Variants in PRELID2 observed in about 807,000 individuals in gnomAD.
The protein encoded by PRELID2 is PRELI domain-containing protein 2.
A neutral mutation model predicts 28.4 loss-of-function variants in PRELID2; 25 were observed. The observed-to-expected ratio is 0.88, with a 90% confidence interval of 0.64 to 1.23. The LOEUF is 1.23. Ranked by LOEUF, PRELID2 falls within the 50% of genes most tolerant of loss-of-function variation. The pLI is 0.00. For missense variants in PRELID2, 201 were observed against 214.4 expected (o/e 0.94, Z 0.39); for synonymous variants, 76 against 71.6 (o/e 1.06, Z -0.31).
At chr5:145,289,552 A>G in the PRELID2 span, among the ~76,000 whole-genome samples, 1 of 152,214 alleles carries the variant, frequency 6.6e-6, no homozygotes, top group Non-Finnish European at 1.5e-5. Context: ...TAAAGCTACT[A>G]TAAATATTTG....
At chr5:145,603,613 C>T (rs540715171) in intron 1 of PRELID2, among the ~76,000 whole-genome samples, 1 of 151,720 alleles carries the variant, frequency 6.6e-6, no homozygotes, top group East Asian at 1.9e-4. Context: ...ATTAGAGATG[C>T]AGAAAAAGGT....
chr5:145,578,263 C>A (rs1050599508), intron 1 of PRELID2, among the ~76,000 whole-genome samples: 3 of 152,092 alleles, frequency 2.0e-5, no homozygotes, highest in Admixed American at 6.6e-5. Context: ...CAAAAGCAAC[C>A]ACCCATTCTA....
chr5:145,404,667 A>C, the PRELID2 span, among the ~76,000 whole-genome samples: 1 of 152,278 alleles, frequency 6.6e-6, no homozygotes, highest in South Asian at 2.1e-4. Flanking sequence ...AGAATAATGA[A>C]CACCTATTTC....
At chr5:145,689,850 G>A (rs975223498) in intron 1 of PRELID2, among the ~76,000 whole-genome samples, 1 of 152,152 alleles carries the variant, frequency 6.6e-6, no homozygotes, top group African/African-American at 2.4e-5. Context: ...TATCCTCAGG[G>A]CCTTGCATCT....
chr5:145,254,612 T>G, the PRELID2 span, among the ~76,000 whole-genome samples: 7 of 152,068 alleles, frequency 4.6e-5, no homozygotes, highest in Admixed American at 2.0e-4. Flanking sequence ...GGCCTTACAC[T>G]GAGCTTGAAG....
At chr5:145,334,853 T>C in the PRELID2 span, among the ~76,000 whole-genome samples, 19 of 151,924 alleles carry the variant, frequency 1.3e-4, no homozygotes, top group East Asian at 2.9e-3. Flanking sequence ...AATATTCTGA[T>C]AGTCTTATAA....
At chr5:145,729,714 G>A (rs985566529) in intron 1 of PRELID2, among the ~76,000 whole-genome samples, 16 of 152,176 alleles carry the variant, frequency 1.1e-4, no homozygotes, top group African/African-American at 3.6e-4. Flanking sequence ...CTTCACCGGG[G>A]TCTTTCTTGC....
chr5:145,640,930 G>GT (rs1754097011), intron 1 of PRELID2, among the ~76,000 whole-genome samples: 1 of 152,144 alleles, frequency 6.6e-6, no homozygotes, highest in South Asian at 2.1e-4. Context: ...TCAATAAATA[G>GT]TGGTAGAACA....
chr5:145,812,595 G>A (rs1240007567), intron 4 of PRELID2, among the ~76,000 whole-genome samples: 2 of 152,192 alleles, frequency 1.3e-5, no homozygotes, highest in Non-Finnish European at 2.9e-5. Flanking sequence ...CAAGCACTTA[G>A]AGCAGAGCCT....
intron 1 of PRELID2, among the ~76,000 whole-genome samples, chr5:145,633,957 G>T (rs1753967053): frequency 1.3e-5 from 2 of 152,066 alleles, no homozygotes; most frequent in Admixed American, 6.6e-5. Context: ...CCTCCCACTG[G>T]GAGAGCACAG....
chr5:145,289,596 G>A, the PRELID2 span, among the ~76,000 whole-genome samples: 1 of 152,144 alleles, frequency 6.6e-6, no homozygotes, highest in Non-Finnish European at 1.5e-5. Flanking sequence ...TCATTTTCAA[G>A]TTAGTTGTGC....
chr5:145,334,757 A>ATTCTTGT, the PRELID2 span, among the ~76,000 whole-genome samples: 5 of 145,498 alleles, frequency 3.4e-5, no homozygotes, highest in African/African-American at 1.3e-4. Flanking sequence ...CAAGCATAGT[A>ATTCTTGT]TTCTTGTTTG....
the PRELID2 span, among the ~76,000 whole-genome samples, chr5:145,422,390 G>A: frequency 1.3e-5 from 2 of 152,162 alleles, no homozygotes; most frequent in African/African-American, 2.4e-5. Context: ...AGGTCACTCA[G>A]GACTTGCTTT....
chr5:145,736,079 T>C (rs1010748697), intron 1 of PRELID2, among the ~76,000 whole-genome samples: 2 of 152,180 alleles, frequency 1.3e-5, no homozygotes, highest in Admixed American at 6.5e-5. Flanking sequence ...TAAAACAAGA[T>C]GACAAATTAA....
intron 5 of PRELID2, among the ~76,000 whole-genome samples, chr5:145,787,970 G>A (rs1406432382): frequency 6.6e-6 from 1 of 152,152 alleles, no homozygotes; most frequent in African/African-American, 2.4e-5. Flanking sequence ...CTCCTGAAGG[G>A]AGTAATAATG....
At chr5:145,363,127 A>T in the PRELID2 span, among the ~76,000 whole-genome samples, 1 of 151,910 alleles carries the variant, frequency 6.6e-6, no homozygotes, top group Admixed American at 6.6e-5. Context: ...AAAAAAAAAA[A>T]AAAAACAGAG....
chr5:145,551,577 T>A (rs1752834445), intron 1 of PRELID2, among the ~76,000 whole-genome samples: 1 of 152,126 alleles, frequency 6.6e-6, no homozygotes, highest in Non-Finnish European at 1.5e-5. Context: ...ATTAAAAAAA[T>A]TTACCTTTGA....
chr5:145,686,887 A>G (rs1228738320), intron 1 of PRELID2, among the ~76,000 whole-genome samples: 2 of 152,214 alleles, frequency 1.3e-5, no homozygotes, highest in African/African-American at 2.4e-5. Context: ...TCAATGTCCT[A>G]TAGTTTTGAA....
chr5:145,384,943 T>G, the PRELID2 span, among the ~76,000 whole-genome samples: 1 of 152,094 alleles, frequency 6.6e-6, no homozygotes, highest in Non-Finnish European at 1.5e-5. Context: ...GGTAATGACA[T>G]TTCAACATGA....
Sources: gnomAD v4.1 joint callset for allele counts (sites outside exome capture counted in the v4.1 genomes callset) on GRCh38, gnomAD v4.1.1 for gene constraint, MANE v1.5 for transcripts, NCBI Gene and HGNC (gene_info 2026-07-23, HGNC 2026-07-21) for gene names.